Variants in RELN observed in about 807,000 individuals in gnomAD.
RELN encodes the protein reelin.
A neutral mutation model predicts 427.6 loss-of-function variants in RELN; 108 were observed. That is an observed-to-expected ratio of 0.25 (90% CI 0.22 to 0.30). The LOEUF (loss-of-function observed/expected upper bound fraction) is 0.30. RELN is among the 10% of genes least tolerant of loss of function. The pLI is 1.00. For synonymous variants in RELN, 1,524 were observed against 1,513.4 expected, an observed-to-expected ratio of 1.01 and a Z score of -0.16; for missense variants, 3,715 against 4,302.8, an observed-to-expected ratio of 0.86 and a Z score of 3.82.
At chr7:103,621,789 G>A (rs1406557303) in intron 20 of RELN, among the ~76,000 whole-genome samples, 1 of 152,190 alleles carries the variant, frequency 6.6e-6, no homozygotes, top group East Asian at 1.9e-4. Context: ...GCAGAGGCAG[G>A]TGGATCACTT....
At position 103,551,193 on chromosome 7, in the gene RELN, T is replaced by C; in HGVS notation, c.6176A>G (p.Tyr2059Cys). 6.2e-7 allele frequency: 1 copy of C among 1,614,060 alleles called. No individual in the cohort carries two copies. The highest frequency in any genetic ancestry group is 8.5e-7 in the Non-Finnish European group (1 of 1,180,010). Residue 2059 changes from tyrosine to cysteine, a missense_variant, in exon 41 of 65, where the codon TAC (tyrosine) becomes TGC (cysteine). Around this residue, in one of 4 missense-constraint regions of RELN, gnomAD observed 1,310 missense variants for 1,643.0 expected, o/e 0.80. Transcript: ENST00000428762. ...AGAGCTGACGTGGCTGCTGCTGTGG[T>C]AGCAGAGGGGCAGCAGAAGGTGCCA... ...ATWHLLLPLC[Y>C]HSSSHVSSLC...
At chr7:103,982,068 C>T (rs546980788) in intron 1 of RELN, among the ~76,000 whole-genome samples, 5 of 152,054 alleles carry the variant, frequency 3.3e-5, no homozygotes, top group African/African-American at 4.8e-5. Context: ...CAGAAGGCTG[C>T]GGCACGAGAA....
At chr7:103,781,613 C>G (rs1218723350) in intron 3 of RELN, among the ~76,000 whole-genome samples, 1 of 152,058 alleles carries the variant, frequency 6.6e-6, no homozygotes, top group Non-Finnish European at 1.5e-5. Flanking sequence ...GAACTTATCC[C>G]TCCTGTCTAA....
At chr7:103,818,897 G>A (rs563200573) in intron 3 of RELN, among the ~76,000 whole-genome samples, 2 of 150,418 alleles carry the variant, frequency 1.3e-5, no homozygotes, top group South Asian at 4.2e-4. Flanking sequence ...ATATTTATTG[G>A]GAAAACATTC....
At position 103,493,914 on chromosome 7, in the gene RELN, C is replaced by G. The variant is rs1321709674; in HGVS notation, c.9369+1809G>C. 2.0e-5 allele frequency among the ~76,000 whole-genome samples: 3 copies of G among 152,076 alleles called. No individual in the cohort carries two copies. The South Asian group carries it at 6.2e-4, about 32-fold the overall frequency. On this transcript the variant is annotated intron_variant, in intron 57 of 64. Coordinates refer to ENST00000428762, the MANE Select transcript of RELN (RefSeq NM_005045.4). Reference sequence around the variant, plus strand: ...TACTAAATTTTTGAGGATAGACTCTCTTTTTTTCCTAAAGAAATTGCCTTG... The same window carrying G: ...TACTAAATTTTTGAGGATAGACTCTGTTTTTTTCCTAAAGAAATTGCCTTG...
At chr7:103,672,576 G>A (rs1247674057) in intron 11 of RELN, among the ~76,000 whole-genome samples, 3 of 152,132 alleles carry the variant, frequency 2.0e-5, no homozygotes, top group Non-Finnish European at 4.4e-5. Context: ...TTAACAGCTT[G>A]CAACAAGTTT....
At chr7:103,714,534 C>T (rs1008090265) in intron 8 of RELN, among the ~76,000 whole-genome samples, 1 of 152,158 alleles carries the variant, frequency 6.6e-6, no homozygotes, top group African/African-American at 2.4e-5. Context: ...CGCTGCTGTC[C>T]CTGACGTCTG....
rs760481568 is a variant in RELN, at chr7:103,478,342, T to C, written c.10286+47A>G. Reference sequence around the variant, plus strand: ...TCTCAGTTAAGTTTGGTGTCACTGATGAAACTATTAGTAAACAGTTCCCCA... The same window carrying C: ...TCTCAGTTAAGTTTGGTGTCACTGACGAAACTATTAGTAAACAGTTCCCCA... On this transcript the variant is annotated intron_variant, in intron 64 of 64. Transcript: ENST00000428762. 6 of 743,376 alleles carry C rather than the reference T, an allele frequency of 8.1e-6. No homozygotes were observed. In the East Asian group the frequency reaches 9.8e-5, roughly 12 times the overall value. The allele number at this position is 743,376 out of a possible 1,614,324, so 46.0% of individuals were successfully genotyped here.
At position 103,851,499 on chromosome 7, in the gene RELN, C is replaced by T. The variant is rs115077414; in HGVS notation, c.338-17827G>A. On this transcript the variant is annotated intron_variant, in intron 2 of 64. Coordinates refer to ENST00000428762, the MANE Select transcript of RELN (RefSeq NM_005045.4). ...AATTTATGGAAAAATAAATAAATCC[C>T]CCCAAAACAGAAAAACAATTTACGT... is the stretch of plus-strand genomic sequence containing the variant. Among the ~76,000 whole-genome samples, 656 of 152,164 alleles carry T rather than the reference C, an allele frequency of 4.3e-3. 7 individuals carry two copies. Among genetic ancestry groups the T allele is most frequent in the African/African-American group, 0.015 (633 of 41,504 alleles).
At chr7:103,614,500 T>C (rs1012563734) in intron 20 of RELN, among the ~76,000 whole-genome samples, 1 of 152,224 alleles carries the variant, frequency 6.6e-6, no homozygotes, top group East Asian at 1.9e-4. Context: ...TATGGTCATC[T>C]TTCCTCTCTA....
rs956716779 is a variant in RELN, at chr7:103,556,986, A to G, written c.5788T>C (p.Tyr1930His). Residue 1930 changes from tyrosine to histidine, a missense_variant, in exon 38 of 65, where the codon TAT (tyrosine) becomes CAT (histidine). By Grantham distance (83) the Tyr-to-His change is moderately conservative. Transcript: ENST00000428762. ...ACACATGCATTTTTACCGTTATTAT[A>G]AGGTTGCCAGAGTCTGAATCTTGTA... ...NATRFRLWQPYNNGKKEEIWI... is the reference protein window; with the variant it reads ...NATRFRLWQPHNNGKKEEIWI... The G allele has an allele frequency of 1.9e-6, 3 of 1,611,276 alleles. No homozygotes were observed.
At chr7:103,752,638 C>T (rs553455904) in intron 5 of RELN, among the ~76,000 whole-genome samples, 59 of 152,188 alleles carry the variant, frequency 3.9e-4, no homozygotes, top group South Asian at 1.9e-3. Flanking sequence ...TGGTCTTAAA[C>T]ACCTGGTCTC....
At chr7:103,871,831 G>A (rs1251478089) in intron 2 of RELN, among the ~76,000 whole-genome samples, 1 of 151,998 alleles carries the variant, frequency 6.6e-6, no homozygotes, top group Admixed American at 6.6e-5. Flanking sequence ...GGCAATCCTT[G>A]CTTTGCTCAT....
intron 61 of RELN, among the ~76,000 whole-genome samples, chr7:103,485,315 G>T (rs1046482557): frequency 1.4e-5 from 2 of 146,456 alleles, no homozygotes; most frequent in African/African-American, 5.0e-5. Flanking sequence ...TATTTTCATT[G>T]TTTATCATAT....
intron 8 of RELN, among the ~76,000 whole-genome samples, chr7:103,720,161 A>T (rs1437271891): frequency 1.3e-5 from 2 of 149,682 alleles, no homozygotes; most frequent in Admixed American, 6.7e-5. Context: ...ATATGTATAT[A>T]TTGTATAAAC....
chr7:103,607,494 C>T (rs1181974596), intron 22 of RELN, among the ~76,000 whole-genome samples: 1 of 152,178 alleles, frequency 6.6e-6, no homozygotes, highest in Non-Finnish European at 1.5e-5. Flanking sequence ...CCTCTCAAAA[C>T]TAAGTAATCT....
At chr7:103,831,813 GT>G (rs1450404419) in intron 3 of RELN, among the ~76,000 whole-genome samples, 2 of 152,158 alleles carry the variant, frequency 1.3e-5, no homozygotes, top group Non-Finnish European at 2.9e-5. Context: ...TCAGAAAGGA[GT>G]TTGAGGCTTA....
chr7:103,682,163 T>C lies in RELN; in HGVS notation c.1242A>G (p.Glu414=), dbSNP rs909645591. 2 of 1,613,834 alleles carry C rather than the reference T, an allele frequency of 1.2e-6. No individual in the cohort carries two copies. Among genetic ancestry groups the C allele is most frequent in the African/African-American group, 1.3e-5 (1 of 74,906 alleles). The change falls in exon 11 of 65, where the codon GAA becomes GAG. Residue 414 remains glutamate, a synonymous_variant. Coordinates refer to ENST00000428762, the MANE Select transcript of RELN (RefSeq NM_005045.4). The part of the protein sequence containing the change: ...ATTRDVDLST[E]DIQEQWSEEF... The stretch of plus-strand genomic sequence containing the variant: ...CTTCTGACCATTGCTCTTGAATATC[T>C]TCTGTGGAAAGATCTACATCCCTGG...
At chr7:103,674,608 G>GGC (rs1237556763) in intron 11 of RELN, among the ~76,000 whole-genome samples, 2 of 152,002 alleles carry the variant, frequency 1.3e-5, no homozygotes, top group Non-Finnish European at 2.9e-5. Context: ...GTTCCTGGGG[G>GGC]GCAGAAGTCT....
Sources: allele counts gnomAD v4.1 joint callset (sites outside exome capture counted in the v4.1 genomes callset), GRCh38; gene constraint gnomAD v4.1.1; regional missense constraint gnomAD v4.1.1; transcripts MANE v1.5; gene names NCBI Gene and HGNC (gene_info 2026-07-23, HGNC 2026-07-21).